Variants in AARS1 observed in about 807,000 individuals in gnomAD.
The protein encoded by AARS1 is alanine--tRNA ligase, cytoplasmic.
A neutral mutation model predicts 108.9 loss-of-function variants in AARS1; 72 were observed. The ratio of observed to expected loss-of-function variants is 0.66; its 90% confidence interval spans 0.55 to 0.80. The LOEUF (loss-of-function observed/expected upper bound fraction) is 0.80, where lower values mean the gene tolerates loss of function less well. Among genes scored for constraint, AARS1 ranks in the 30% least tolerant of loss-of-function variants. The pLI is 0.00. For missense variants in AARS1, 1,193 were observed against 1,233.2 expected (o/e 0.97, Z 0.49); for synonymous variants, 489 against 465.7 (o/e 1.05, Z -0.64).
At position 70,255,800 on chromosome 16, in the gene AARS1, C is replaced by T. The variant is rs1182200427; in HGVS notation, c.2214G>A (p.Val738=). Residue 738 remains valine, a synonymous_variant, in exon 16 of 21, where the codon GTG becomes GTA. Coordinates refer to ENST00000261772, the MANE Select transcript of AARS1 (RefSeq NM_001605.3). The stretch of plus-strand genomic sequence containing the variant: ...TGGCAATGGCTTCTTCCGTCACGAT[C>T]ACAAAAGCTCCTGCATGACTCGAGT... The part of the protein sequence containing the change: ...LRNSSHAGAF[V]IVTEEAIAKG... The T allele has an allele frequency of 6.2e-7, 1 of 1,614,186 alleles. No individual in the cohort carries two copies. The highest frequency in any genetic ancestry group is 1.1e-5 in the South Asian group (1 of 91,072).
rs752113937 is a variant in AARS1, at chr16:70,265,145, GA to G, written c.1348-44del. ...AAGCATAAGTTACCGTAAAGTAGGAGAAAAGGGACTCCAAAGGACTGGAACT... is the reference window on the plus strand; with the variant it reads ...AAGCATAAGTTACCGTAAAGTAGGAGAAAGGGACTCCAAAGGACTGGAACT... On this transcript the variant is annotated intron_variant, in intron 10 of 20. Transcript: ENST00000261772. The G allele has an allele frequency of 5.0e-6, 8 of 1,610,010 alleles. No individual in the cohort carries two copies. The South Asian group carries it at 6.6e-5, about 13-fold the overall frequency.
chr16:70,278,394 T>C (rs1253681920), intron 2 of AARS1, among the ~76,000 whole-genome samples: 1 of 151,726 alleles, frequency 6.6e-6, no homozygotes. Context: ...GGAGAAACCC[T>C]GTCTCCACTA....
rs762777733 is a variant in AARS1, at chr16:70,253,947, C to T, written c.2492G>A (p.Arg831Gln). Residue 831 changes from arginine to glutamine, a missense_variant, in exon 18 of 21, where the codon CGA becomes CAA. By Grantham distance (43) the Arg-to-Gln change is conservative. Transcript: ENST00000261772. ...TTTCTGGACATCGGCTTTGCTGGCT[C>T]GGTCCAAGTCATCCATGACCTTCTT... ...SLKKVMDDLD[R>Q]ASKADVQKRV... The T allele has an allele frequency of 5.6e-6, 9 of 1,614,216 alleles. No homozygotes were observed. Among genetic ancestry groups the T allele is most frequent in the South Asian group, 2.2e-5 (2 of 91,088 alleles).
chr16:70,253,271 G>C lies in AARS1; in HGVS notation c.2718C>G (p.Pro906=), dbSNP rs1302978915. The C allele has an allele frequency of 6.2e-7, 1 of 1,611,882 alleles. No individual in the cohort carries two copies. The highest frequency in any genetic ancestry group is 8.5e-7 in the Non-Finnish European group (1 of 1,178,108). ...AGKITCLCQV[P]QNAANRGLKA... is the part of the protein sequence containing the mutation. ...ACTGGTGCGAGGTGGTGCTGACCTG[G>C]GGAACTTGACACAGGCACGTGATCT... The change falls in exon 20 of 21, where the codon CCC becomes CCG. Residue 906 remains proline, a synonymous_variant. Transcript: ENST00000261772.
chr16:70,270,361 G>A (rs1038028524), intron 5 of AARS1, 21 bp from the exon 6 acceptor site: 6 of 1,614,126 alleles, frequency 3.7e-6, no homozygotes, highest in African/African-American at 1.3e-5. Flanking sequence ...CAGAAGAAGA[G>A]GAGGTTGAAG....
chr16:70,282,489 A>G, intron 2 of AARS1, 131 bp downstream of exon 2: 1 of 1,126,676 alleles, frequency 8.9e-7, no homozygotes, highest in East Asian at 2.4e-5. Flanking sequence ...GAGGCCCATC[A>G]CATAAAGTTT....
chr16:70,274,328 C>T (rs545797874), intron 4 of AARS1, among the ~76,000 whole-genome samples: 94 of 151,220 alleles, frequency 6.2e-4, no homozygotes, highest in African/African-American at 2.0e-3. Context: ...GCAACAAGAG[C>T]GAAACTCCAT....
chr16:70,255,892 G>A, intron 15 of AARS1, 56 bp from the exon 16 acceptor site: 1 of 1,522,530 alleles, frequency 6.6e-7, no homozygotes, highest in Admixed American at 1.9e-5. Flanking sequence ...CCCTTGGCTG[G>A]GGGGTCACAC....
At chr16:70,284,115 C>T (rs1960780038) in intron 1 of AARS1, among the ~76,000 whole-genome samples, 1 of 152,050 alleles carries the variant, frequency 6.6e-6, no homozygotes, top group Non-Finnish European at 1.5e-5. Flanking sequence ...TCCTGGCTAA[C>T]ATGGTGAAAC....
rs375747367 is a variant in AARS1 at position 70,254,750 on chromosome 16, G to C, written c.2287-16C>G. 6.5e-7 allele frequency: 1 copy of C among 1,548,212 alleles called. No individual in the cohort carries two copies. Among genetic ancestry groups the C allele is most frequent in the Non-Finnish European group, 8.9e-7 (1 of 1,120,622 alleles). On this transcript the variant is annotated splice_polypyrimidine_tract_variant and intron_variant, in intron 16 of 20. Coordinates refer to ENST00000261772, the MANE Select transcript of AARS1 (RefSeq NM_001605.3). ...TCCTGAGGGCCTGGGAGGGGACACC[G>C]GGTCAACCCCAAGCAGGAGGTCTGA...
At chr16:70,289,339 C>G (rs557314885) in intron 1 of AARS1, 82 bp downstream of exon 1, 5 of 354,894 alleles carry the variant, frequency 1.4e-5, no homozygotes, top group African/African-American at 8.6e-5. Context: ...TCCTGGGGCC[C>G]ACTGCGGCTG....
chr16:70,264,777 G>A (rs761859638), intron 11 of AARS1, among the ~76,000 whole-genome samples, 181 bp downstream of exon 11: 1 of 151,820 alleles, frequency 6.6e-6, no homozygotes, highest in Non-Finnish European at 1.5e-5. Flanking sequence ...TTTCAAAATA[G>A]AGTTAAGAAA....
At chr16:70,274,237 A>G (rs1960483043) in intron 4 of AARS1, among the ~76,000 whole-genome samples, 3 of 151,306 alleles carry the variant, frequency 2.0e-5, no homozygotes, top group African/African-American at 7.3e-5. Context: ...GCTACTCGGG[A>G]GGCTGAGACA....
rs1960443761 is a variant in AARS1 at position 70,272,897 on chromosome 16, C to CACAA, written c.480-926_480-925insTTGT. On this transcript the variant is annotated intron_variant, in intron 4 of 20. Transcript: ENST00000261772. ...TGCACTCCAGCCTGGGTGACACACA[C>CACAA]ACACACACACACACACACACACACA... is the stretch of plus-strand genomic sequence containing the variant. Among the ~76,000 whole-genome samples, 4 of 149,816 alleles carry CACAA rather than the reference C, an allele frequency of 2.7e-5. No homozygotes were observed. In the East Asian group the frequency reaches 8.4e-4, roughly 31 times the overall value.
chr16:70,260,008 G>GT lies in AARS1; in HGVS notation c.1786-823dup, dbSNP rs1052405878. Reference sequence around the variant, plus strand: ...GCTGGTCTCGAACTCCCGACCTCAGGTGATCTGCTCGCCTCGGCCTCCCAA... The same window carrying GT: ...GCTGGTCTCGAACTCCCGACCTCAGGTTGATCTGCTCGCCTCGGCCTCCCAA... On this transcript the variant is annotated intron_variant, in intron 13 of 20. Transcript: ENST00000261772. 3.3e-5 allele frequency among the ~76,000 whole-genome samples: 5 copies of GT among 152,268 alleles called. No homozygotes were observed. The South Asian group carries it at 6.2e-4, about 19-fold the overall frequency.
Position 70,276,454 on chromosome 16 carries a change from C to T in AARS1, c.479+32G>A, listed in dbSNP as rs775849426. ...TGGCACTGAGTGTCATTTCACTCCT[C>T]CATACTCTCAAGAAGTGATGTGCAT... On this transcript the variant is annotated intron_variant, in intron 4 of 20. Transcript: ENST00000261772. The T allele has an allele frequency of 2.4e-5, 38 of 1,611,916 alleles. No individual in the cohort carries two copies. The Admixed American group carries it at 5.2e-4, about 22-fold the overall frequency.
At chr16:70,268,432 G>C (rs752222349) in intron 7 of AARS1, 53 bp from the exon 8 acceptor site, 19 of 1,511,054 alleles carry the variant, frequency 1.3e-5, no homozygotes, top group Non-Finnish European at 1.7e-5. Flanking sequence ...GTTTTGTCTT[G>C]AGTCCCTTGG....
intron 1 of AARS1, among the ~76,000 whole-genome samples, chr16:70,287,482 C>A (rs1429725737): frequency 1.3e-5 from 2 of 150,658 alleles, no homozygotes; most frequent in African/African-American, 2.4e-5. Context: ...ACACAGGTCT[C>A]GCTCTGTCAC....
intron 1 of AARS1, among the ~76,000 whole-genome samples, chr16:70,288,513 C>T (rs1960926904): frequency 1.3e-5 from 2 of 151,974 alleles, no homozygotes; most frequent in South Asian, 4.2e-4. Flanking sequence ...TAATGTGCGC[C>T]TCCCCCATCA....
Sources: allele counts gnomAD v4.1 joint callset (sites outside exome capture counted in the v4.1 genomes callset), GRCh38; gene constraint gnomAD v4.1.1; transcripts MANE v1.5; gene names NCBI Gene and HGNC (gene_info 2026-07-23, HGNC 2026-07-21).